Variants in NOX4 observed in about 807,000 individuals in gnomAD.
The protein encoded by NOX4 is kidney oxidase-1.
In NOX4, 69 loss-of-function variants were observed where a neutral mutation model predicts 87.6. The observed-to-expected ratio is 0.79, with a 90% CI of 0.65 to 0.96. NOX4 has a LOEUF of 0.96. Among genes scored for constraint, NOX4 ranks in the 40% least tolerant of loss-of-function variants. The pLI is 0.00. For missense variants in NOX4, 680 were observed against 681.5 expected (o/e 1.00, Z 0.02); for synonymous variants, 275 against 238.2 (o/e 1.15, Z -1.42).
intron 12 of NOX4, among the ~76,000 whole-genome samples, chr11:89,368,687 T>C (rs1386557674): frequency 2.0e-5 from 3 of 152,092 alleles, no homozygotes; most frequent in African/African-American, 7.2e-5. Flanking sequence ...TATTGGTGAT[T>C]AAATTTCAAT....
At chr11:89,336,605 G>A (rs1945725895) in intron 16 of NOX4, among the ~76,000 whole-genome samples, 1 of 151,944 alleles carries the variant, frequency 6.6e-6, no homozygotes, top group African/African-American at 2.4e-5. Context: ...AGAGTGAACT[G>A]CGGAGAAAGG....
intron 11 of NOX4, among the ~76,000 whole-genome samples, chr11:89,382,829 G>T (rs1428585043): frequency 6.6e-6 from 1 of 152,032 alleles, no homozygotes; most frequent in Non-Finnish European, 1.5e-5. Flanking sequence ...GGAGCTAAAG[G>T]CATAGTCAAG....
chr11:89,538,186 C>A, the NOX4 span, among the ~76,000 whole-genome samples: 3 of 152,208 alleles, frequency 2.0e-5, 1 homozygote, highest in South Asian at 6.2e-4. Context: ...CATCTATGTG[C>A]CAAACAACTT....
chr11:89,531,987 G>C, the NOX4 span, among the ~76,000 whole-genome samples: 2 of 152,128 alleles, frequency 1.3e-5, no homozygotes, highest in Non-Finnish European at 2.9e-5. Context: ...GGGGCCTGTG[G>C]GTGTGCAAAG....
At chr11:89,347,567 C>A (rs968123115) in intron 13 of NOX4, among the ~76,000 whole-genome samples, 16 of 152,130 alleles carry the variant, frequency 1.1e-4, no homozygotes, top group Admixed American at 7.9e-4. Flanking sequence ...TAATACAGAA[C>A]AAAAAGTCAA....
At chr11:89,449,622 T>A (rs1944864761) in intron 3 of NOX4, 98 bp from the exon 4 acceptor site, 1 of 871,878 alleles carries the variant, frequency 1.1e-6, no homozygotes, top group Non-Finnish European at 1.8e-6. Flanking sequence ...TTTTAAAATA[T>A]GGCGGAAGCC....
At chr11:89,557,815 G>C in the NOX4 span, among the ~76,000 whole-genome samples, 1 of 152,044 alleles carries the variant, frequency 6.6e-6, no homozygotes, top group South Asian at 2.1e-4. Context: ...ATGACTCTCT[G>C]TTATCTATTC....
intron 13 of NOX4, among the ~76,000 whole-genome samples, chr11:89,349,138 T>A (rs1198942182): frequency 6.6e-6 from 1 of 151,808 alleles, no homozygotes; most frequent in South Asian, 2.1e-4. Flanking sequence ...AATACAAAAA[T>A]TAGCCCGGCA....
chr11:89,402,652 A>G, intron 8 of NOX4, 110 bp from the exon 9 acceptor site: 2 of 822,428 alleles, frequency 2.4e-6, no homozygotes, highest in Non-Finnish European at 2.0e-6. Context: ...CTAACTTTAC[A>G]CAGCATTTAT....
intron 2 of NOX4, among the ~76,000 whole-genome samples, chr11:89,484,985 G>C (rs760735210): frequency 9.2e-5 from 14 of 152,050 alleles, no homozygotes; most frequent in Admixed American, 4.6e-4. Context: ...CAGAATTAAA[G>C]CTGCCCAGGC....
At chr11:89,523,626 T>A in the NOX4 span, among the ~76,000 whole-genome samples, 1 of 152,176 alleles carries the variant, frequency 6.6e-6, no homozygotes, top group African/African-American at 2.4e-5. Context: ...CCTAGGTATT[T>A]AATGGAGAGA....
At chr11:89,438,881 TA>T (rs1944302024) in intron 6 of NOX4, among the ~76,000 whole-genome samples, 2 of 53,258 alleles carry the variant, frequency 3.8e-5, no homozygotes, top group Admixed American at 3.5e-4. Flanking sequence ...ATATAATATA[TA>T]ATATATTATA....
chr11:89,402,624 T>C (rs1392167446), intron 8 of NOX4, 82 bp from the exon 9 acceptor site: 9 of 1,053,662 alleles, frequency 8.5e-6, no homozygotes, highest in East Asian at 2.4e-5. Flanking sequence ...ATAATGTTTT[T>C]GTTTTTGTTT....
At chr11:89,509,028 T>A in the NOX4 span, among the ~76,000 whole-genome samples, 1 of 151,878 alleles carries the variant, frequency 6.6e-6, no homozygotes, top group Non-Finnish European at 1.5e-5. Flanking sequence ...GAGAACTTTA[T>A]GAACATATGA....
chr11:89,409,559 TCCCTA>T (rs2135219379), intron 8 of NOX4, among the ~76,000 whole-genome samples: 1 of 152,232 alleles, frequency 6.6e-6, no homozygotes, highest in East Asian at 1.9e-4. Context: ...ATGACCTCAA[TCCCTA>T]CTGCCAACTG....
chr11:89,514,402 C>T, the NOX4 span, among the ~76,000 whole-genome samples: 1 of 151,740 alleles, frequency 6.6e-6, no homozygotes, highest in Non-Finnish European at 1.5e-5. Context: ...TTCACAGATG[C>T]CTTAGGATTT....
intron 6 of NOX4, 142 bp from the exon 7 acceptor site, chr11:89,432,998 TCAAA>T (rs1943889644): frequency 1.6e-6 from 1 of 611,694 alleles, no homozygotes; most frequent in Non-Finnish European, 2.9e-6. Context: ...ATGTTCTCCC[TCAAA>T]CAAGCCCTTT....
rs1236362443 is a variant in NOX4 at position 89,408,225 on chromosome 11, G to A, written c.630-5683C>T. ...AAATAGTGCTTATGACTTATAATAAGTGCTCAATAAATATTCATTGATTAA... is the reference window on the plus strand; with the variant it reads ...AAATAGTGCTTATGACTTATAATAAATGCTCAATAAATATTCATTGATTAA... On this transcript the variant is annotated intron_variant, in intron 8 of 17. Transcript: ENST00000263317. Among the ~76,000 whole-genome samples the A allele has an allele frequency of 2.0e-5, 3 of 152,056 alleles. No homozygotes were observed. In the East Asian group the frequency reaches 5.8e-4, roughly 29 times the overall value.
chr11:89,500,539 C>T (rs112135870), upstream of NOX4, among the ~76,000 whole-genome samples: 1 of 152,102 alleles, frequency 6.6e-6, no homozygotes, highest in African/African-American at 2.4e-5. Context: ...GTTTTAGCCT[C>T]TCTTTCTGTC....
Sources: allele counts gnomAD v4.1 joint callset (sites outside exome capture counted in the v4.1 genomes callset), GRCh38; gene constraint gnomAD v4.1.1; transcripts MANE v1.5; gene names NCBI Gene and HGNC (gene_info 2026-07-23, HGNC 2026-07-21).